The following CDC42BPB variants were observed in gnomAD, a reference collection of about 807,000 sequenced individuals.
The protein encoded by CDC42BPB is CDC42 binding protein kinase beta.
A neutral mutation model predicts 214.9 loss-of-function variants in CDC42BPB; 37 were observed. That is an observed-to-expected ratio of 0.17 (90% CI 0.13 to 0.23). The LOEUF is 0.23. Ranked by LOEUF, CDC42BPB falls within the 10% of genes least tolerant of loss-of-function variation. The pLI is 1.00. For missense variants in CDC42BPB, 1,694 were observed against 2,227.0 expected, an observed-to-expected ratio of 0.76 and a Z score of 4.82; for synonymous variants, 931 against 884.0, an observed-to-expected ratio of 1.05 and a Z score of -0.94.
At chr14:102,969,289 C>T (rs893276984) in intron 14 of CDC42BPB, among the ~76,000 whole-genome samples, 1 of 152,068 alleles carries the variant, frequency 6.6e-6, no homozygotes, top group East Asian at 1.9e-4. Flanking sequence ...TCTGGTGTGG[C>T]GGGGCAAGGA....
At chr14:102,963,768 A>T (rs969925308) in intron 19 of CDC42BPB, among the ~76,000 whole-genome samples, 1 of 152,324 alleles carries the variant, frequency 6.6e-6, no homozygotes, top group Middle Eastern at 3.4e-3. Flanking sequence ...TAACAACAGA[A>T]CAGTCTTACA....
chr14:103,019,122 C>T (rs6575939), intron 1 of CDC42BPB, among the ~76,000 whole-genome samples: 8,783 of 152,120 alleles, frequency 0.058, 521 homozygotes, highest in African/African-American at 0.15. Context: ...TTTTTAGAGA[C>T]GGGGTCTTGC....
intron 1 of CDC42BPB, among the ~76,000 whole-genome samples, chr14:103,019,043 A>T (rs922240817): frequency 6.6e-6 from 1 of 152,154 alleles, no homozygotes; most frequent in Non-Finnish European, 1.5e-5. Context: ...TCCCAGGCTC[A>T]GGGGATCTTC....
rs530409490 is a variant in CDC42BPB at position 102,961,539 on chromosome 14, A to C, written c.2821+1522T>G. ...TAGTAGAGATGGCAAAACCCCCCCC[A>C]CTTTTTTTTAAGACAGCGTTTTGCT... is the stretch of plus-strand genomic sequence containing the variant. On this transcript the variant is annotated intron_variant, in intron 20 of 36. Transcript: ENST00000361246. 2.0e-4 allele frequency among the ~76,000 whole-genome samples: 29 copies of C among 144,840 alleles called. No individual in the cohort carries two copies. The East Asian group carries it at 2.9e-3, about 14-fold the overall frequency.
intron 28 of CDC42BPB, 44 bp from the exon 29 acceptor site, chr14:102,945,768 C>G (rs200587017): frequency 5.3e-5 from 83 of 1,573,700 alleles, no homozygotes; most frequent in Non-Finnish European, 6.3e-5. Flanking sequence ...TACAGCCGAC[C>G]GTGAACAATA....
intron 36 of CDC42BPB, among the ~76,000 whole-genome samples, chr14:102,937,888 C>CGT (rs1403107941): frequency 6.6e-6 from 1 of 152,172 alleles, no homozygotes; most frequent in African/African-American, 2.4e-5. Context: ...CCCTAGTCAG[C>CGT]GTTCCCAAAG....
chr14:103,027,296 A>AC (rs1437594952), intron 1 of CDC42BPB, among the ~76,000 whole-genome samples: 1 of 152,308 alleles, frequency 6.6e-6, no homozygotes, highest in East Asian at 1.9e-4. Context: ...TTACTACATG[A>AC]CCCGTCATTC....
intron 36 of CDC42BPB, chr14:102,934,072 T>C: frequency 3.1e-6 from 4 of 1,286,378 alleles, no homozygotes; most frequent in Non-Finnish European, 4.0e-6. Context: ...ATGGTAATTA[T>C]CATTACAAAA....
intron 7 of CDC42BPB, 60 bp downstream of exon 7, chr14:102,983,496 C>T: frequency 6.3e-7 from 1 of 1,591,320 alleles, no homozygotes; most frequent in Non-Finnish European, 8.5e-7. Context: ...ACTAGTTGTG[C>T]TCTCTGTACT....
chr14:103,046,234 G>A (rs536852004), intron 1 of CDC42BPB, among the ~76,000 whole-genome samples: 3 of 151,852 alleles, frequency 2.0e-5, no homozygotes, highest in African/African-American at 7.2e-5. Flanking sequence ...ACCCCAAGCA[G>A]GAGACTGGAA....
Position 102,954,418 on chromosome 14 carries a change from C to T in CDC42BPB, c.2989-143G>A, listed in dbSNP as rs181938218. On this transcript the variant is annotated intron_variant, in intron 22 of 36. Coordinates refer to ENST00000361246, the MANE Select transcript of CDC42BPB (RefSeq NM_006035.4). Reference sequence around the variant, plus strand: ...ATTTGCTACAATGTTGAGACATCTGCGGAAGCCTCCCTCATCTAGGGGAGG... The same window carrying T: ...ATTTGCTACAATGTTGAGACATCTGTGGAAGCCTCCCTCATCTAGGGGAGG... 1.3e-4 allele frequency: 194 copies of T among 1,441,372 alleles called. No individual in the cohort carries two copies. The East Asian group carries it at 3.8e-3, about 28-fold the overall frequency. The allele number at this position is 1,441,372 out of a possible 1,614,324, so 89.3% of individuals were successfully genotyped here. A position where few individuals can be genotyped will look rare whatever the true frequency, so the allele number is the denominator to read the frequency against.
chr14:102,987,329 C>A (rs1894288289), intron 5 of CDC42BPB, among the ~76,000 whole-genome samples: 1 of 152,244 alleles, frequency 6.6e-6, no homozygotes, highest in Admixed American at 6.5e-5. Flanking sequence ...GGGTGCAGGG[C>A]ACCTCAGAGC....
chr14:102,946,734 C>T (rs1205498161), intron 27 of CDC42BPB, 50 bp from the exon 28 acceptor site: 1 of 1,598,946 alleles, frequency 6.3e-7, no homozygotes, highest in Non-Finnish European at 8.5e-7. Context: ...AACGCCAAAG[C>T]CGCACGCAGC....
At chr14:103,008,334 A>C (rs528328739) in intron 3 of CDC42BPB, 138 bp downstream of exon 3, 1 of 626,542 alleles carries the variant, frequency 1.6e-6, no homozygotes, top group African/African-American at 1.8e-5. Flanking sequence ...ACCTCCTCAA[A>C]AGAGAGTGCT....
At chr14:103,015,078 A>T (rs1003020410) in intron 1 of CDC42BPB, among the ~76,000 whole-genome samples, 2 of 152,184 alleles carry the variant, frequency 1.3e-5, no homozygotes, top group African/African-American at 2.4e-5. Context: ...TAAAGCGGGC[A>T]GACACAGATG....
At chr14:103,018,828 C>T (rs1566907042) in intron 1 of CDC42BPB, among the ~76,000 whole-genome samples, 1 of 152,352 alleles carries the variant, frequency 6.6e-6, no homozygotes, top group East Asian at 1.9e-4. Context: ...CACTTCGAAA[C>T]CACCAGCTTC....
intron 25 of CDC42BPB, 96 bp downstream of exon 25, chr14:102,950,370 G>T (rs1020836636): frequency 1.3e-6 from 2 of 1,488,088 alleles, no homozygotes; most frequent in South Asian, 1.2e-5. Context: ...GCCACCTGCC[G>T]CAGCAAGGGG....
In CDC42BPB at chr14:102,978,170, A is replaced by G; in HGVS notation, c.1176T>C (p.Ser392=). 1 of 1,613,942 alleles carries G rather than the reference A, an allele frequency of 6.2e-7. No homozygotes were observed. The highest frequency in any genetic ancestry group is 1.1e-5 in the South Asian group (1 of 91,080). ...AACCAATGAATGGCAAATGTAATCC[A>G]GAAAAGCCTGTGTGAGAACCAGGAG... The part of the protein sequence containing the change: ...ILPPGSHTGF[S]GLHLPFIGFT... The change falls in exon 9 of 37, where the codon TCT becomes TCC. Residue 392 remains serine (S), a synonymous_variant. Transcript: ENST00000361246.
At chr14:102,974,289 C>T (rs1161349876) in intron 11 of CDC42BPB, 140 bp from the exon 12 acceptor site, 35 of 1,389,142 alleles carry the variant, frequency 2.5e-5, no homozygotes, top group Non-Finnish European at 3.2e-5. Context: ...CTTACACACA[C>T]ACACACACAC....
Sources: allele counts gnomAD v4.1 joint callset (sites outside exome capture counted in the v4.1 genomes callset), GRCh38; gene constraint gnomAD v4.1.1; transcripts MANE v1.5; gene names NCBI Gene and HGNC (gene_info 2026-07-23, HGNC 2026-07-21).